Variants in HDAC9 observed in about 807,000 individuals in gnomAD.
HDAC9 encodes MEF-2 interacting transcription repressor (MITR) protein.
In HDAC9, 41 loss-of-function variants were observed where a neutral mutation model predicts 139.4. That is an observed-to-expected ratio of 0.29 (90% CI 0.23 to 0.38). The LOEUF (loss-of-function observed/expected upper bound fraction) is 0.38, where lower values mean the gene tolerates loss of function less well. Among genes scored for constraint, HDAC9 ranks in the 10% least tolerant of loss-of-function variants. The pLI, the probability that HDAC9 is intolerant of heterozygous loss-of-function variation, is 1.00. For missense variants in HDAC9, 1,147 were observed against 1,297.0 expected (o/e 0.88, Z 1.78); for synonymous variants, 517 against 476.2 (o/e 1.09, Z -1.12).
At chr7:18,211,301 C>T (rs1290650336) in intron 2 of HDAC9, among the ~76,000 whole-genome samples, 2 of 152,170 alleles carry the variant, frequency 1.3e-5, no homozygotes, top group Non-Finnish European at 2.9e-5. Flanking sequence ...TGAGCTTAAA[C>T]ACAAATTAGA....
chr7:18,138,965 G>T (rs898795400), intron 1 of HDAC9, among the ~76,000 whole-genome samples: 10 of 152,190 alleles, frequency 6.6e-5, no homozygotes, highest in Non-Finnish European at 1.3e-4. Flanking sequence ...CTTACTAGCA[G>T]TTCTAGTAAT....
At chr7:18,415,609 T>A (rs984278555) in intron 1 of HDAC9, among the ~76,000 whole-genome samples, 2 of 152,246 alleles carry the variant, frequency 1.3e-5, no homozygotes, top group Non-Finnish European at 2.9e-5. Flanking sequence ...CAAAGAATGA[T>A]GATTTCAGGT....
At chr7:18,809,672 G>T (rs1223283873) in intron 17 of HDAC9, among the ~76,000 whole-genome samples, 3 of 151,916 alleles carry the variant, frequency 2.0e-5, no homozygotes, top group African/African-American at 7.2e-5. Context: ...AAATGAAAAT[G>T]ATGTACCTCA....
chr7:18,137,701 T>G (rs1326464214), intron 1 of HDAC9, among the ~76,000 whole-genome samples: 3 of 151,696 alleles, frequency 2.0e-5, no homozygotes, highest in African/African-American at 7.3e-5. Flanking sequence ...GCTGGATTCG[T>G]TTTGCCAGTA....
At chr7:18,151,252 G>A (rs932631595) in intron 1 of HDAC9, among the ~76,000 whole-genome samples, 9 of 152,154 alleles carry the variant, frequency 5.9e-5, no homozygotes, top group Admixed American at 3.9e-4. Context: ...TGTGGATTGA[G>A]TGCGGAGTTT....
intron 21 of HDAC9, among the ~76,000 whole-genome samples, chr7:18,854,888 G>A (rs865885980): frequency 7.9e-5 from 12 of 152,190 alleles, no homozygotes; most frequent in South Asian, 2.1e-4. Context: ...TTTTGACAGC[G>A]TACTTAAACC....
intron 22 of HDAC9, among the ~76,000 whole-genome samples, chr7:18,884,075 C>A (rs1291215136): frequency 6.6e-6 from 1 of 152,104 alleles, no homozygotes; most frequent in Non-Finnish European, 1.5e-5. Context: ...GAGATATCCC[C>A]TGTTCCTAAA....
At chr7:18,765,277 T>C (rs181349839) in intron 15 of HDAC9, among the ~76,000 whole-genome samples, 1 of 152,300 alleles carries the variant, frequency 6.6e-6, no homozygotes, top group African/African-American at 2.4e-5. Context: ...GTAGGATACT[T>C]ATTTTGCTAA....
At chr7:18,400,333 G>C (rs1787422280) in intron 1 of HDAC9, among the ~76,000 whole-genome samples, 1 of 152,182 alleles carries the variant, frequency 6.6e-6, no homozygotes, top group Non-Finnish European at 1.5e-5. Context: ...CAACATAACT[G>C]CTGTTCAACA....
rs537646710 is a variant in HDAC9 at position 18,179,987 on chromosome 7, A to G, written c.25+17638A>G. Among the ~76,000 whole-genome samples, 23 of 152,194 alleles carry G rather than the reference A, an allele frequency of 1.5e-4. No homozygotes were observed. In the South Asian group the frequency reaches 4.6e-3, roughly 30 times the overall value. ...CTATAAGCCTCTCCACACTGATGAG[A>G]TTGAGGCCTAAAACCATCATCTCCC... is the stretch of plus-strand genomic sequence containing the variant. On this transcript the variant is annotated intron_variant, in intron 2 of 12. Coordinates refer to the HDAC9 transcript ENST00000417496.
chr7:18,910,642 A>G (rs1285333852), intron 22 of HDAC9, among the ~76,000 whole-genome samples: 2 of 151,936 alleles, frequency 1.3e-5, no homozygotes, highest in Non-Finnish European at 2.9e-5. Context: ...AAAAGCTTTC[A>G]GCATTCAGTA....
At position 18,790,453 on chromosome 7, in the gene HDAC9, A is replaced by G. The variant is rs776725054; in HGVS notation, c.2215-2892A>G. ...GTGGCCATCTGCAAGCCAAGGGGAG[A>G]GTCCTCACCAGTCACCAAATGGGTT... On this transcript the variant is annotated intron_variant, in intron 16 of 25. Coordinates refer to ENST00000686413, the MANE Select transcript of HDAC9 (RefSeq NM_178425.4). Among the ~76,000 whole-genome samples the G allele has an allele frequency of 8.5e-4, 129 of 152,176 alleles. 1 individual carries two copies. Among genetic ancestry groups the G allele is most frequent in the Admixed American group, 4.6e-4 (7 of 15,278 alleles).
intron 1 of HDAC9, among the ~76,000 whole-genome samples, chr7:18,443,281 G>A (rs1791960737): frequency 6.6e-6 from 1 of 152,024 alleles, no homozygotes; most frequent in South Asian, 2.1e-4. Context: ...TTGTGTACGT[G>A]GCAACATGAT....
intron 11 of HDAC9, among the ~76,000 whole-genome samples, chr7:18,664,663 C>T (rs1042079180): frequency 2.0e-5 from 3 of 152,044 alleles, no homozygotes; most frequent in African/African-American, 4.8e-5. Flanking sequence ...GTAACTTACT[C>T]CTTTCCATCC....
At chr7:18,731,877 C>G (rs138509590) in intron 13 of HDAC9, among the ~76,000 whole-genome samples, 3 of 152,004 alleles carry the variant, frequency 2.0e-5, no homozygotes, top group Non-Finnish European at 2.9e-5. Context: ...CCGCCCATTT[C>G]GGCCTCCCAA....
chr7:18,504,664 A>G (rs1799278836), intron 2 of HDAC9, among the ~76,000 whole-genome samples: 1 of 152,162 alleles, frequency 6.6e-6, no homozygotes. Flanking sequence ...TTTTTATGTC[A>G]TTCTTTTATT....
At chr7:18,558,463 A>G (rs1438700312) in intron 2 of HDAC9, among the ~76,000 whole-genome samples, 1 of 152,172 alleles carries the variant, frequency 6.6e-6, no homozygotes. Flanking sequence ...AGCTCACTAA[A>G]TGTATCCACC....
intron 1 of HDAC9, among the ~76,000 whole-genome samples, chr7:18,121,652 C>T (rs1213602664): frequency 1.3e-5 from 2 of 151,952 alleles, no homozygotes; most frequent in South Asian, 2.1e-4. Context: ...CAGAGATGTG[C>T]TCAGTGTGGC....
chr7:18,343,883 A>G (rs1782201769), intron 1 of HDAC9, among the ~76,000 whole-genome samples: 1 of 151,854 alleles, frequency 6.6e-6, no homozygotes, highest in African/African-American at 2.4e-5. Context: ...GATGATATTT[A>G]TTTTAGGATA....
Sources: gnomAD v4.1 joint callset for allele counts (sites outside exome capture counted in the v4.1 genomes callset) on GRCh38, gnomAD v4.1.1 for gene constraint, MANE v1.5 for transcripts, NCBI Gene and HGNC (gene_info 2026-07-23, HGNC 2026-07-21) for gene names.